The following RPS6KA6 variants were observed in gnomAD, a reference collection of about 807,000 sequenced individuals.
RPS6KA6 encodes the protein ribosomal protein S6 kinase alpha-6.
RPS6KA6 carries 27 observed loss-of-function variants against 65.4 expected under a neutral mutation model. That is an observed-to-expected ratio of 0.41 (90% CI 0.30 to 0.57). The LOEUF is 0.57. Among genes scored for constraint, RPS6KA6 ranks in the 20% least tolerant of loss-of-function variants. The probability of loss-of-function intolerance (pLI) is 0.24; values close to 1 mark genes in which losing one functional copy is unlikely to be tolerated. For missense variants in RPS6KA6, 486 were observed against 555.6 expected, an observed-to-expected ratio of 0.87 and a Z score of 1.26; for synonymous variants, 190 against 184.2, an observed-to-expected ratio of 1.03 and a Z score of -0.26.
chrX:84,176,888 A>G (rs1353860298), intron 1 of RPS6KA6, among the ~76,000 whole-genome samples: 2 of 112,317 alleles, frequency 1.8e-5, no homozygotes, highest in South Asian at 3.6e-4. Flanking sequence ...ACACAACCTT[A>G]GCTTGAGGTC....
intron 2 of RPS6KA6, among the ~76,000 whole-genome samples, chrX:84,163,368 G>A (rs1003833916): frequency 5.4e-5 from 6 of 110,798 alleles, no homozygotes; most frequent in Non-Finnish European, 9.5e-5. Flanking sequence ...GGCCGGGCGC[G>A]GTGGCTCACG....
At chrX:84,070,581 T>C (rs1294006079) in intron 20 of RPS6KA6, among the ~76,000 whole-genome samples, 4 of 110,882 alleles carry the variant, frequency 3.6e-5, no homozygotes, top group Non-Finnish European at 7.6e-5. Flanking sequence ...AAAACTGTTC[T>C]AATATAGAAA....
intron 20 of RPS6KA6, among the ~76,000 whole-genome samples, chrX:84,093,142 G>T (rs1167937972): frequency 1.8e-5 from 2 of 111,980 alleles, no homozygotes; most frequent in Admixed American, 9.5e-5. Flanking sequence ...TGTTCTCATA[G>T]AAATAGACAG....
Position 84,156,168 on chromosome X carries a change from G to T in RPS6KA6, c.165C>A (p.Ile55=). 8.7e-7 allele frequency: 1 copy of T among 1,155,532 alleles called. No individual in the cohort carries two copies. ...SCHDEGVVKE[I]PITHHVKEGY... ...CTTCCTTAACATGATGAGTAATAGG[G>T]ATTTCTTTAACAACTCCTTCATCCT... Residue 55 remains isoleucine (I), a synonymous_variant, in exon 3 of 22, where the codon ATC becomes ATA. Transcript: ENST00000262752.
chrX:84,068,969 G>A (rs954004300), intron 20 of RPS6KA6, among the ~76,000 whole-genome samples: 4 of 111,906 alleles, frequency 3.6e-5, no homozygotes, highest in Non-Finnish European at 5.6e-5. Context: ...AGTCAATATC[G>A]TGAAAATGGC....
intron 1 of RPS6KA6, among the ~76,000 whole-genome samples, chrX:84,184,810 A>C (rs2147658686): frequency 1.1e-5 from 1 of 92,236 alleles, no homozygotes; most frequent in South Asian, 6.6e-4. Context: ...ATGTACAATG[A>C]CATAGAAAGA....
chrX:84,062,913 T>A lies in RPS6KA6; in HGVS notation c.*1364A>T, dbSNP rs1419074757. ...CCAGTTTACATTCATGAATTCTTTC[T>A]GTCAGTAGTAGTAGTAGTAGTAGTA... is the stretch of plus-strand genomic sequence containing the variant. On this transcript the variant is annotated 3_prime_UTR_variant, in exon 22 of 22. Coordinates refer to ENST00000262752, the MANE Select transcript of RPS6KA6 (RefSeq NM_014496.5). 1 of 106,512 alleles carries A rather than the reference T, an allele frequency of 9.4e-6. No individual in the cohort carries two copies. Among genetic ancestry groups the A allele is most frequent in the Non-Finnish European group, 1.9e-5 (1 of 51,321 alleles). The allele number at this position is 106,512 out of a possible 1,213,427, so 8.8% of individuals were successfully genotyped here.
intron 3 of RPS6KA6, among the ~76,000 whole-genome samples, chrX:84,152,752 C>G (rs1309030421): frequency 9.0e-6 from 1 of 111,245 alleles, no homozygotes; most frequent in Non-Finnish European, 1.9e-5. Context: ...GAAATAGATA[C>G]AAGTACGCCA....
chrX:84,171,802 G>C (rs1397774529), intron 1 of RPS6KA6, among the ~76,000 whole-genome samples: 1 of 111,038 alleles, frequency 9.0e-6, no homozygotes, highest in Non-Finnish European at 1.9e-5. Context: ...ACATGCATTA[G>C]GTATTTGTCC....
chrX:84,163,630 A>C (rs1430214085), intron 2 of RPS6KA6, among the ~76,000 whole-genome samples: 5 of 85,618 alleles, frequency 5.8e-5, no homozygotes, highest in African/African-American at 2.2e-4. Context: ...TGGGCGACAG[A>C]GCGAGACTCC....
At chrX:84,083,797 G>A (rs1016869177) in intron 20 of RPS6KA6, among the ~76,000 whole-genome samples, 2 of 112,069 alleles carry the variant, frequency 1.8e-5, no homozygotes, top group East Asian at 5.6e-4. Flanking sequence ...GAAACACCAC[G>A]CTGTCTTCCA....
At chrX:84,067,610 T>C (rs982869866) in intron 20 of RPS6KA6, among the ~76,000 whole-genome samples, 2 of 111,797 alleles carry the variant, frequency 1.8e-5, no homozygotes, top group Non-Finnish European at 3.8e-5. Context: ...TCCAATAAAA[T>C]GTGGGTCTAT....
intron 9 of RPS6KA6, among the ~76,000 whole-genome samples, chrX:84,118,992 C>T (rs1188235026): frequency 8.9e-6 from 1 of 111,763 alleles, no homozygotes; most frequent in African/African-American, 3.2e-5. Flanking sequence ...CAAGTCTTTG[C>T]TAATATGATC....
intron 1 of RPS6KA6, among the ~76,000 whole-genome samples, chrX:84,173,715 T>G (rs1049695299): frequency 7.2e-5 from 8 of 111,813 alleles, no homozygotes; most frequent in African/African-American, 2.0e-4. Context: ...TGCAGTGCAG[T>G]GGCAGTGCGA....
intron 7 of RPS6KA6, 96 bp downstream of exon 7, chrX:84,135,008 T>C: frequency 1.5e-6 from 1 of 662,738 alleles, no homozygotes; most frequent in East Asian, 3.6e-5. Context: ...ATAATTCATA[T>C]AGAATTCCCT....
chrX:84,187,584 C>G (rs1233667522), intron 1 of RPS6KA6: 1 of 311,424 alleles, frequency 3.2e-6, no homozygotes, highest in Non-Finnish European at 5.6e-6. Flanking sequence ...GCCCGCCAGG[C>G]AGGCGCTCCG....
intron 6 of RPS6KA6, among the ~76,000 whole-genome samples, chrX:84,137,029 T>C: frequency 8.9e-6 from 1 of 111,971 alleles, no homozygotes; most frequent in East Asian, 2.8e-4. Context: ...CCAATAATGC[T>C]TTCCAACCCA....
At chrX:84,115,725 T>C (rs138446026) in intron 12 of RPS6KA6, among the ~76,000 whole-genome samples, 23 of 111,880 alleles carry the variant, frequency 2.1e-4, no homozygotes, top group East Asian at 1.7e-3. Context: ...CAATGGTTAA[T>C]TGGATAAAGA....
At chrX:84,086,024 TTC>T (rs1231678939) in intron 20 of RPS6KA6, among the ~76,000 whole-genome samples, 1 of 111,845 alleles carries the variant, frequency 8.9e-6, no homozygotes, top group Non-Finnish European at 1.9e-5. Context: ...CCCTTATAAT[TTC>T]TGATTGTGTC....
Sources: allele counts gnomAD v4.1 joint callset (sites outside exome capture counted in the v4.1 genomes callset), GRCh38; gene constraint gnomAD v4.1.1; transcripts MANE v1.5; gene names NCBI Gene and HGNC (gene_info 2026-07-23, HGNC 2026-07-21).